KCNIP4: variants seen among roughly 807,000 people sequenced by gnomAD.
The protein encoded by KCNIP4 is Kv channel-interacting protein 4.
A neutral mutation model predicts 34.0 loss-of-function variants in KCNIP4; 12 were observed. The observed-to-expected ratio is 0.35, with a 90% CI of 0.23 to 0.57. KCNIP4 has a LOEUF of 0.57. Among genes scored for constraint, KCNIP4 ranks in the 20% least tolerant of loss-of-function variants. The pLI is 0.83. For synonymous variants in KCNIP4, 124 were observed against 102.2 expected (o/e 1.21, Z -1.29); for missense variants, 238 against 311.7 (o/e 0.76, Z 1.78).
intron 1 of KCNIP4, among the ~76,000 whole-genome samples, chr4:21,006,115 T>C (rs145575870): frequency 1.9e-4 from 29 of 152,336 alleles, no homozygotes; most frequent in Admixed American, 1.9e-3. Context: ...AACTCACGTC[T>C]ATCTAACTTG....
chr4:21,596,045 A>AGTTTGTCCTTAGCGC (rs1214832926), intron 1 of KCNIP4, among the ~76,000 whole-genome samples: 2 of 152,116 alleles, frequency 1.3e-5, no homozygotes, highest in Non-Finnish European at 2.9e-5. Context: ...GAAGACACTT[A>AGTTTGTCCTTAGCGC]GTTTGTCCTT....
chr4:21,134,548 T>C (rs750224646), intron 1 of KCNIP4, among the ~76,000 whole-genome samples: 10 of 152,178 alleles, frequency 6.6e-5, no homozygotes, highest in Non-Finnish European at 1.5e-4. Context: ...GTCAACTGTA[T>C]TTCCAAAGCC....
At chr4:21,532,126 G>T (rs896191806) in intron 1 of KCNIP4, among the ~76,000 whole-genome samples, 7 of 152,056 alleles carry the variant, frequency 4.6e-5, no homozygotes, top group Non-Finnish European at 8.8e-5. Context: ...AAACGAAGTC[G>T]CTGTGATAGA....
chr4:21,036,523 A>G (rs1197033882), intron 1 of KCNIP4, among the ~76,000 whole-genome samples: 1 of 152,232 alleles, frequency 6.6e-6, no homozygotes, highest in Non-Finnish European at 1.5e-5. Flanking sequence ...TCAAGCATAA[A>G]GAGTACTCTA....
intron 1 of KCNIP4, among the ~76,000 whole-genome samples, chr4:21,760,533 G>A (rs1717978145): frequency 6.6e-6 from 1 of 152,022 alleles, no homozygotes; most frequent in Non-Finnish European, 1.5e-5. Flanking sequence ...TAAAATATTT[G>A]TGTTCTATTG....
Position 21,779,213 on chromosome 4 carries a change from T to C in KCNIP4, c.61+169358A>G, listed in dbSNP as rs570692138. Among the ~76,000 whole-genome samples, 3 of 152,286 alleles carry C rather than the reference T, an allele frequency of 2.0e-5. No individual in the cohort carries two copies. The East Asian group carries it at 5.8e-4, about 29-fold the overall frequency. ...TATATTTATGGTAATTCTAAGGATA[T>C]TATAAACTTGCAGTGGTAATTCTGA... On this transcript the variant is annotated intron_variant, in intron 1 of 8. Coordinates refer to ENST00000382152, the MANE Select transcript of KCNIP4 (RefSeq NM_025221.6).
intron 5 of KCNIP4, among the ~76,000 whole-genome samples, chr4:20,741,134 A>C (rs996092054): frequency 2.6e-5 from 4 of 152,162 alleles, no homozygotes; most frequent in African/African-American, 9.7e-5. Context: ...AGGCTTTAAC[A>C]CCCCACTGTC....
At chr4:20,861,017 C>G (rs1722142211) in intron 2 of KCNIP4, among the ~76,000 whole-genome samples, 1 of 152,090 alleles carries the variant, frequency 6.6e-6, no homozygotes. Flanking sequence ...TTCCTCGGTT[C>G]CACTGCTCAC....
chr4:21,281,479 A>C (rs1762771192), intron 1 of KCNIP4, among the ~76,000 whole-genome samples: 2 of 152,336 alleles, frequency 1.3e-5, no homozygotes, highest in Admixed American at 1.3e-4. Flanking sequence ...AATCTGATTG[A>C]TGTGTCAAGT....
intron 1 of KCNIP4, among the ~76,000 whole-genome samples, chr4:21,165,747 A>G (rs1577813166): frequency 6.6e-6 from 1 of 152,310 alleles, no homozygotes; most frequent in East Asian, 1.9e-4. Context: ...ATATAGTTAT[A>G]TAGCTAATAT....
At chr4:20,907,803 C>T (rs1193622551) in intron 1 of KCNIP4, among the ~76,000 whole-genome samples, 2 of 151,900 alleles carry the variant, frequency 1.3e-5, no homozygotes, top group African/African-American at 2.4e-5. Context: ...CTGCAAGCTC[C>T]GCCTCCCGGG....
chr4:21,519,485 C>T lies in KCNIP4; in HGVS notation c.61+429086G>A, dbSNP rs796367938. ...ATGTGTGTATGTGTATGTGTATATA[C>T]ACATATGTGTGTATGTGTATGTGTA... On this transcript the variant is annotated intron_variant, in intron 1 of 8. Transcript: ENST00000382152. Among the ~76,000 whole-genome samples, 134 of 117,930 alleles carry T rather than the reference C, an allele frequency of 1.1e-3. 5 individuals carry two copies. Among genetic ancestry groups the T allele is most frequent in the East Asian group, 2.3e-3 (8 of 3,536 alleles). The allele number at this position is 117,930 out of a possible 152,430, so 77.4% of individuals were successfully genotyped here.
At chr4:21,504,475 A>AAAAAGAAAGAAAGAAAGAAAG (rs1264431211) in intron 1 of KCNIP4, among the ~76,000 whole-genome samples, 19 of 101,878 alleles carry the variant, frequency 1.9e-4, no homozygotes, top group African/African-American at 6.2e-4. Flanking sequence ...CAAAAAAAAA[A>AAAAAGAAAGAAAGAAAGAAAG]AAAGAAAGAA....
rs577269129 is a variant in KCNIP4, at chr4:20,998,152, C to A, written c.62-115443G>T. The stretch of plus-strand genomic sequence containing the variant: ...GAAAGAGAAAAGAGCAAATAATCAA[C>A]CTTCCAGAAGAAAGGGTAGCCAACA... On this transcript the variant is annotated intron_variant, in intron 1 of 8. Coordinates refer to ENST00000382152, the MANE Select transcript of KCNIP4 (RefSeq NM_025221.6). Among the ~76,000 whole-genome samples the A allele has an allele frequency of 2.6e-4, 39 of 152,248 alleles. 1 individual carries two copies. Among genetic ancestry groups the A allele is most frequent in the Admixed American group, 1.2e-3 (18 of 15,278 alleles).
intron 1 of KCNIP4, among the ~76,000 whole-genome samples, chr4:21,294,481 C>T (rs1763725081): frequency 6.6e-6 from 1 of 152,040 alleles, no homozygotes; most frequent in Admixed American, 6.6e-5. Flanking sequence ...TCCAATAAAA[C>T]TAGAAAAAAG....
chr4:21,812,493 T>C (rs28547323), intron 1 of KCNIP4, among the ~76,000 whole-genome samples: 15,088 of 151,842 alleles, frequency 0.099, 2,512 homozygotes, highest in African/African-American at 0.35. Context: ...AAAAAGACAA[T>C]ACCATGAGCT....
chr4:21,376,147 G>GT (rs200946723), intron 1 of KCNIP4, among the ~76,000 whole-genome samples: 1 of 152,072 alleles, frequency 6.6e-6, no homozygotes, highest in Non-Finnish European at 1.5e-5. Context: ...TATACAACTT[G>GT]TTTTTTCTTC....
intron 1 of KCNIP4, among the ~76,000 whole-genome samples, chr4:21,116,140 G>C (rs78768337): frequency 0.14 from 21,761 of 152,112 alleles, 1,756 homozygotes; most frequent in East Asian, 0.23. Context: ...CTTCGTCAAA[G>C]TCTATCTATT....
chr4:21,440,849 C>T (rs1403849004), intron 1 of KCNIP4, among the ~76,000 whole-genome samples: 1 of 152,000 alleles, frequency 6.6e-6, no homozygotes, highest in African/African-American at 2.4e-5. Flanking sequence ...CAAAGCAAAA[C>T]AAATCAAAAC....
Sources: gnomAD v4.1 joint callset for allele counts (sites outside exome capture counted in the v4.1 genomes callset) on GRCh38, gnomAD v4.1.1 for gene constraint, MANE v1.5 for transcripts, NCBI Gene and HGNC (gene_info 2026-07-23, HGNC 2026-07-21) for gene names.